Variants in RNGTT observed in about 807,000 individuals in gnomAD.
The protein encoded by RNGTT is mRNA-capping enzyme.
In RNGTT, 33 loss-of-function variants were observed where a neutral mutation model predicts 79.3. The ratio of observed to expected loss-of-function variants is 0.42; its 90% CI spans 0.32 to 0.56. The LOEUF is 0.56. RNGTT is among the 20% of genes least tolerant of loss of function. RNGTT has a pLI of 0.17. For missense variants in RNGTT, 497 were observed against 739.1 expected (o/e 0.67, Z 3.80); for synonymous variants, 222 against 235.9 (o/e 0.94, Z 0.54).
At chr6:88,800,054 C>A (rs1779734492) in intron 12 of RNGTT, among the ~76,000 whole-genome samples, 1 of 152,162 alleles carries the variant, frequency 6.6e-6, no homozygotes, top group African/African-American at 2.4e-5. Flanking sequence ...GAAGATATTT[C>A]TGTTCTTTGT....
At chr6:88,705,018 G>A (rs1776084076) in intron 13 of RNGTT, among the ~76,000 whole-genome samples, 1 of 151,912 alleles carries the variant, frequency 6.6e-6, no homozygotes, top group African/African-American at 2.4e-5. Flanking sequence ...AGGCTCACAT[G>A]AACCATGTAG....
At chr6:88,823,212 A>G (rs1426035694) in intron 11 of RNGTT, among the ~76,000 whole-genome samples, 1 of 152,186 alleles carries the variant, frequency 6.6e-6, no homozygotes, top group East Asian at 1.9e-4. Context: ...GGGTAACCTA[A>G]GGTCAGGAGT....
At chr6:88,715,712 G>A (rs989808270) in intron 13 of RNGTT, among the ~76,000 whole-genome samples, 3 of 152,064 alleles carry the variant, frequency 2.0e-5, no homozygotes, top group African/African-American at 7.2e-5. Context: ...ACAAGAAATG[G>A]GGAAAGGATT....
At chr6:88,831,981 G>A (rs765554928) in intron 11 of RNGTT, among the ~76,000 whole-genome samples, 4 of 152,190 alleles carry the variant, frequency 2.6e-5, no homozygotes, top group Non-Finnish European at 4.4e-5. Flanking sequence ...TCACAGATAG[G>A]AAGAATCAAT....
At chr6:88,822,678 T>C (rs185484173) in intron 11 of RNGTT, among the ~76,000 whole-genome samples, 202 of 152,322 alleles carry the variant, frequency 1.3e-3, no homozygotes, top group Non-Finnish European at 1.5e-4. Flanking sequence ...TCCAGGCATT[T>C]GCAATAGTGG....
chr6:88,651,925 AT>A (rs1773813479), intron 14 of RNGTT, among the ~76,000 whole-genome samples: 1 of 152,138 alleles, frequency 6.6e-6, no homozygotes, highest in Non-Finnish European at 1.5e-5. Context: ...GGATAGATTA[AT>A]TTTTAAAAGA....
chr6:88,875,595 C>A (rs186539446), intron 8 of RNGTT, among the ~76,000 whole-genome samples: 2 of 152,304 alleles, frequency 1.3e-5, no homozygotes, highest in Admixed American at 1.3e-4. Flanking sequence ...CTGCTACTTA[C>A]AATAACTGTG....
intron 12 of RNGTT, among the ~76,000 whole-genome samples, chr6:88,773,708 C>A (rs1383904381): frequency 1.3e-5 from 2 of 152,006 alleles, no homozygotes; most frequent in Non-Finnish European, 2.9e-5. Flanking sequence ...CAAGCCCATT[C>A]AATGAGGGAA....
At chr6:88,901,495 C>CTTTTATTTTTT (rs1783459161) in intron 6 of RNGTT, among the ~76,000 whole-genome samples, 1 of 65,776 alleles carries the variant, frequency 1.5e-5, no homozygotes, top group African/African-American at 7.1e-5. Context: ...GCACCCTGAT[C>CTTTTATTTTTT]TTTTTTTTTT....
chr6:88,855,366 G>A (rs1216726690), intron 8 of RNGTT, among the ~76,000 whole-genome samples: 1 of 152,144 alleles, frequency 6.6e-6, no homozygotes, highest in Non-Finnish European at 1.5e-5. Flanking sequence ...AGGAGAAATA[G>A]GAGAGCTGAT....
chr6:88,700,988 T>C (rs1288603197), intron 13 of RNGTT, among the ~76,000 whole-genome samples: 2 of 152,130 alleles, frequency 1.3e-5, no homozygotes, highest in Non-Finnish European at 2.9e-5. Flanking sequence ...TTGAAGTTCA[T>C]GGTTAATGAC....
intron 14 of RNGTT, among the ~76,000 whole-genome samples, chr6:88,632,826 A>G (rs575561307): frequency 9.2e-5 from 14 of 152,302 alleles, no homozygotes; most frequent in Admixed American, 2.6e-4. Context: ...TTTTATAAAC[A>G]ATAAAGGTAG....
rs949579766 is a variant in RNGTT, at chr6:88,852,265, G to T, written c.1032+1364C>A. ...CCTCTAAGCAATACCCGTACTCTTG[G>T]TATAGCAACTCATAATAGGCACTCA... is the stretch of plus-strand genomic sequence containing the variant. On this transcript the variant is annotated intron_variant, in intron 9 of 15. Transcript: ENST00000369485. Among the ~76,000 whole-genome samples, 5 of 152,004 alleles carry T rather than the reference G, an allele frequency of 3.3e-5. No individual in the cohort carries two copies. In the East Asian group the frequency reaches 9.7e-4, roughly 29 times the overall value.
intron 11 of RNGTT, among the ~76,000 whole-genome samples, chr6:88,811,712 T>C (rs1408887691): frequency 6.6e-6 from 1 of 152,144 alleles, no homozygotes; most frequent in African/African-American, 2.4e-5. Context: ...TTCATTATAG[T>C]ATGGAAAATA....
intron 11 of RNGTT, among the ~76,000 whole-genome samples, chr6:88,844,155 T>C (rs1021823591): frequency 6.6e-6 from 1 of 151,962 alleles, no homozygotes; most frequent in African/African-American, 2.4e-5. Context: ...ACAGCCTAGT[T>C]TCAGGTGCCA....
At position 88,611,256 on chromosome 6, in the gene RNGTT, T is replaced by C. The variant is rs144963779; in HGVS notation, c.*1463A>G. 6.5e-6 allele frequency: 1 copy of C among 152,674 alleles called. No individual in the cohort carries two copies. The highest frequency in any genetic ancestry group is 2.4e-5 in the African/African-American group (1 of 41,472). The allele number at this position is 152,674 out of a possible 1,614,324, so 9.5% of individuals were successfully genotyped here. On this transcript the variant is annotated 3_prime_UTR_variant, in exon 16 of 16. Transcript: ENST00000369485. The stretch of plus-strand genomic sequence containing the variant: ...ATACATTTTTGGTTCATCTGTGCTA[T>C]GTCCATATAGAAATCCCGTCAGATA...
intron 9 of RNGTT, among the ~76,000 whole-genome samples, chr6:88,850,611 C>A (rs1000299563): frequency 6.7e-5 from 10 of 148,776 alleles, no homozygotes; most frequent in Admixed American, 5.5e-4. Flanking sequence ...ACAAAAAAAA[C>A]ACACTGATTT....
intron 14 of RNGTT, among the ~76,000 whole-genome samples, chr6:88,623,417 C>T (rs1239068580): frequency 6.6e-6 from 1 of 152,036 alleles, no homozygotes; most frequent in African/African-American, 2.4e-5. Flanking sequence ...TTGTCTTCTC[C>T]AATGCAGTAA....
chr6:88,765,971 T>G (rs552189526), intron 13 of RNGTT, among the ~76,000 whole-genome samples: 37 of 152,236 alleles, frequency 2.4e-4, no homozygotes, highest in African/African-American at 8.7e-4. Flanking sequence ...TTGGACTTAG[T>G]GCAGCAAGTA....
Sources: gnomAD v4.1 joint callset for allele counts (sites outside exome capture counted in the v4.1 genomes callset) on GRCh38, gnomAD v4.1.1 for gene constraint, MANE v1.5 for transcripts, NCBI Gene and HGNC (gene_info 2026-07-23, HGNC 2026-07-21) for gene names.